OR5A1: variants seen among roughly 807,000 people sequenced by gnomAD.
OR5A1 encodes the protein olfactory receptor family 5 subfamily A member 1, also known as olfactory receptor 5A1.
In OR5A1, 6 loss-of-function variants were observed where a neutral mutation model predicts 6.7. That is an observed-to-expected ratio of 0.89 (90% confidence interval 0.49 to 1.76). The LOEUF (loss-of-function observed/expected upper bound fraction) is 1.76, where lower values mean the gene tolerates loss of function less well. Among genes scored for constraint, OR5A1 ranks in the 40% most tolerant of loss-of-function variants. The pLI is 0.01. For missense variants in OR5A1, 378 were observed against 381.7 expected, an observed-to-expected ratio of 0.99 and a Z score of 0.08; for synonymous variants, 170 against 155.0, an observed-to-expected ratio of 1.10 and a Z score of -0.72.
intron 1 of OR5A1, among the ~76,000 whole-genome samples, chr11:59,442,086 G>T (rs150054272): frequency 6.6e-6 from 1 of 152,164 alleles, no homozygotes; most frequent in East Asian, 1.9e-4. Context: ...GGTCAACATC[G>T]CACATCTACT....
intron 1 of OR5A1, among the ~76,000 whole-genome samples, chr11:59,438,943 AAAAG>A (rs1436273959): frequency 6.6e-6 from 1 of 152,204 alleles, no homozygotes; most frequent in African/African-American, 2.4e-5. Context: ...ACATTCAGAT[AAAAG>A]AAAGACCTGG....
intron 1 of OR5A1, among the ~76,000 whole-genome samples, chr11:59,441,987 G>T (rs1000881278): frequency 6.8e-6 from 1 of 146,758 alleles, no homozygotes; most frequent in African/African-American, 2.5e-5. Flanking sequence ...TAGATAGATA[G>T]ATGATAGATG....
Position 59,448,402 on chromosome 11 carries a change from G to C in OR5A1, c.*4286G>C, listed in dbSNP as rs1165377212. The C allele has an allele frequency of 6.6e-6, 1 of 152,128 alleles. No homozygotes were observed. Among genetic ancestry groups the C allele is most frequent in the East Asian group, 1.9e-4 (1 of 5,198 alleles). 9.4% of individuals were successfully genotyped at this position (152,128 alleles called of 1,614,324 possible). On this transcript the variant is annotated 3_prime_UTR_variant, in exon 2 of 2. Transcript: ENST00000641045. ...ACTAGACCAGGAGCCTCATCTAGTG[G>C]AATCCAATTTGTCAGTATCTCCAGG...
At position 59,448,489 on chromosome 11, in the gene OR5A1, T is replaced by A. The variant is rs1292591713; in HGVS notation, c.*4373T>A. 2 of 152,162 alleles carry A rather than the reference T, an allele frequency of 1.3e-5. No homozygotes were observed. The highest frequency in any genetic ancestry group is 2.9e-5 in the Non-Finnish European group (2 of 68,040). The allele number at this position is 152,162 out of a possible 1,614,324, so 9.4% of individuals were successfully genotyped here. On this transcript the variant is annotated 3_prime_UTR_variant, in exon 2 of 2. Coordinates refer to ENST00000641045, the MANE Select transcript of OR5A1 (RefSeq NM_001004728.2). The stretch of plus-strand genomic sequence containing the variant: ...ATCCAATGCTTGGATCTTACAGGAT[T>A]ATTATGAGCCCAAAAAAAGAAAATT...
intron 1 of OR5A1, among the ~76,000 whole-genome samples, chr11:59,442,880 G>T (rs1277697518): frequency 6.6e-6 from 1 of 152,186 alleles, no homozygotes; most frequent in African/African-American, 2.4e-5. Context: ...CACCCAAAAT[G>T]GTGGAGGCAG....
intron 1 of OR5A1, among the ~76,000 whole-genome samples, chr11:59,440,013 C>T (rs1858464443): frequency 6.6e-6 from 1 of 152,128 alleles, no homozygotes; most frequent in Admixed American, 6.6e-5. Flanking sequence ...CACCATGATC[C>T]CTTTATACAT....
chr11:59,438,098 G>T (rs1201052514), intron 1 of OR5A1, among the ~76,000 whole-genome samples: 1 of 152,148 alleles, frequency 6.6e-6, no homozygotes, highest in Non-Finnish European at 1.5e-5. Flanking sequence ...CTTCCGCCGT[G>T]ATTATAGCTT....
intron 1 of OR5A1, among the ~76,000 whole-genome samples, chr11:59,438,644 G>T (rs1182941927): frequency 6.6e-6 from 1 of 152,134 alleles, no homozygotes; most frequent in East Asian, 1.9e-4. Flanking sequence ...CTACCAAGAT[G>T]ATTAAAAGGG....
intron 1 of OR5A1, among the ~76,000 whole-genome samples, chr11:59,442,213 G>A (rs1250721451): frequency 6.6e-6 from 1 of 152,194 alleles, no homozygotes; most frequent in Non-Finnish European, 1.5e-5. Flanking sequence ...TTGGGAGGCT[G>A]AGGCGGGCGG....
At chr11:59,440,125 A>G (rs956584863) in intron 1 of OR5A1, among the ~76,000 whole-genome samples, 2 of 152,172 alleles carry the variant, frequency 1.3e-5, no homozygotes, top group African/African-American at 2.4e-5. Context: ...GTGTAGTGGC[A>G]TGATCACAAC....
chr11:59,451,022 G>A lies in OR5A1; in HGVS notation c.*6906G>A, dbSNP rs1314629586. 6.6e-6 allele frequency: 1 copy of A among 152,108 alleles called. No individual in the cohort carries two copies. The highest frequency in any genetic ancestry group is 1.5e-5 in the Non-Finnish European group (1 of 68,026). 9.4% of individuals were successfully genotyped at this position (152,108 alleles called of 1,614,324 possible). A position where few individuals can be genotyped will look rare whatever the true frequency, so the allele number is the denominator to read the frequency against. On this transcript the variant is annotated 3_prime_UTR_variant, in exon 2 of 2. Coordinates refer to ENST00000641045, the MANE Select transcript of OR5A1 (RefSeq NM_001004728.2). Reference sequence around the variant, plus strand: ...TAACTCTTTAGCATAAATTCCTAAAGTAGAAATTTTGAGTCACGGGGTTTG... The same window carrying A: ...TAACTCTTTAGCATAAATTCCTAAAATAGAAATTTTGAGTCACGGGGTTTG...
chr11:59,438,435 C>A (rs144605735), intron 1 of OR5A1, among the ~76,000 whole-genome samples: 321 of 152,158 alleles, frequency 2.1e-3, no homozygotes, highest in African/African-American at 7.4e-3. Flanking sequence ...GTAAACCCAG[C>A]ATACTATTAG....
chr11:59,447,777 C>A lies in OR5A1; in HGVS notation c.*3661C>A, dbSNP rs1344939349. The stretch of plus-strand genomic sequence containing the variant: ...TCCTGTGGCTGCCCCACAGTGTACA[C>A]CAGAATTAGACAGGCTAACCCAGGA... On this transcript the variant is annotated 3_prime_UTR_variant, in exon 2 of 2. Coordinates refer to ENST00000641045, the MANE Select transcript of OR5A1 (RefSeq NM_001004728.2). The A allele has an allele frequency of 6.6e-6, 1 of 152,166 alleles. No homozygotes were observed. Among genetic ancestry groups the A allele is most frequent in the African/African-American group, 2.4e-5 (1 of 41,424 alleles). The allele number at this position is 152,166 out of a possible 1,614,324, so 9.4% of individuals were successfully genotyped here. A position where few individuals can be genotyped will look rare whatever the true frequency, so the allele number is the denominator to read the frequency against.
intron 1 of OR5A1, among the ~76,000 whole-genome samples, chr11:59,442,672 C>T (rs1257982519): frequency 6.6e-6 from 1 of 152,072 alleles, no homozygotes. Context: ...TCTTTCCTTC[C>T]TAATATTGAA....
In OR5A1 at chr11:59,446,338, G is replaced by C. The variant is rs1858548996; in HGVS notation, c.*2222G>C. 2 of 152,082 alleles carry C rather than the reference G, an allele frequency of 1.3e-5. No homozygotes were observed. The highest frequency in any genetic ancestry group is 4.8e-5 in the African/African-American group (2 of 41,396). The allele number at this position is 152,082 out of a possible 1,614,324, so 9.4% of individuals were successfully genotyped here. ...CTGAGATCTCTATTGTGTTCTATTG[G>C]TCTACGTGTCTGTTTTTGTACAAGT... On this transcript the variant is annotated 3_prime_UTR_variant, in exon 2 of 2. Coordinates refer to ENST00000641045, the MANE Select transcript of OR5A1 (RefSeq NM_001004728.2).
At chr11:59,438,375 A>C (rs1858446004) in intron 1 of OR5A1, among the ~76,000 whole-genome samples, 1 of 152,198 alleles carries the variant, frequency 6.6e-6, no homozygotes, top group Non-Finnish European at 1.5e-5. Flanking sequence ...ATCATGATGA[A>C]TTATTAGCTT....
In OR5A1 at chr11:59,446,833, T is replaced by C. The variant is rs1306360781; in HGVS notation, c.*2717T>C. The C allele has an allele frequency of 6.6e-6, 1 of 152,228 alleles. No individual in the cohort carries two copies. The highest frequency in any genetic ancestry group is 6.5e-5 in the Admixed American group (1 of 15,290). 9.4% of individuals were successfully genotyped at this position (152,228 alleles called of 1,614,324 possible). A position where few individuals can be genotyped will look rare whatever the true frequency, so the allele number is the denominator to read the frequency against. On this transcript the variant is annotated 3_prime_UTR_variant, in exon 2 of 2. Coordinates refer to ENST00000641045, the MANE Select transcript of OR5A1 (RefSeq NM_001004728.2). ...CATTGATGTAGGTCAATTGGATAAG[T>C]AGATATTTGATTTGATTGTTCATAT...
chr11:59,443,957 G>A lies in OR5A1; in HGVS notation c.789G>A (p.Leu263=). ...LLFGTALFVY[L]RPSSSYLLGR... is the part of the protein sequence containing the mutation. ...TTGGGACAGCCCTTTTCGTGTACTT[G>A]CGACCCAGCTCCAGCTACTTGCTAG... The change falls in exon 2 of 2, where the codon TTG becomes TTA. Residue 263 remains leucine, a synonymous_variant. Coordinates refer to ENST00000641045, the MANE Select transcript of OR5A1 (RefSeq NM_001004728.2). The A allele has an allele frequency of 6.2e-7, 1 of 1,614,048 alleles. No individual in the cohort carries two copies. The highest frequency in any genetic ancestry group is 1.6e-4 in the Middle Eastern group (1 of 6,062).
rs1238346977 is a variant in OR5A1, at chr11:59,449,990, TA to T, written c.*5879del. ...CACATAGACCCATAAAGGCAAGGAG[TA>T]AAAAGTGCTAGATTATCACAAGCAA... On this transcript the variant is annotated 3_prime_UTR_variant, in exon 2 of 2. Transcript: ENST00000641045. 6.6e-5 allele frequency: 10 copies of T among 151,300 alleles called. No homozygotes were observed. Among genetic ancestry groups the T allele is most frequent in the African/African-American group, 2.2e-4 (9 of 41,104 alleles). 9.4% of individuals were successfully genotyped at this position (151,300 alleles called of 1,614,324 possible).
Sources: allele counts gnomAD v4.1 joint callset (sites outside exome capture counted in the v4.1 genomes callset), GRCh38; gene constraint gnomAD v4.1.1; transcripts MANE v1.5; gene names NCBI Gene and HGNC (gene_info 2026-07-23, HGNC 2026-07-21).